The following LGSN variants were observed in gnomAD, a reference collection of about 807,000 sequenced individuals.
LGSN encodes the protein lengsin, lens protein with glutamine synthetase domain, also known as lengsin.
In LGSN, 21 loss-of-function variants were observed where a neutral mutation model predicts 19.5. That is an observed-to-expected ratio of 1.07 (90% CI 0.76 to 1.55). The LOEUF (loss-of-function observed/expected upper bound fraction) is 1.55. Ranked by LOEUF, LGSN falls within the 40% of genes most tolerant of loss-of-function variation. The pLI is 0.00. For missense variants in LGSN, 673 were observed against 608.5 expected, an observed-to-expected ratio of 1.11 and a Z score of -1.12; for synonymous variants, 257 against 215.6, an observed-to-expected ratio of 1.19 and a Z score of -1.68.
chr6:63,504,646 G>A, the LGSN span, among the ~76,000 whole-genome samples: 2 of 152,238 alleles, frequency 1.3e-5, no homozygotes, highest in East Asian at 1.9e-4. Flanking sequence ...GTTTTGCCAC[G>A]TTGCTGAGGC....
chr6:63,544,036 C>T, the LGSN span, among the ~76,000 whole-genome samples: 2 of 152,098 alleles, frequency 1.3e-5, no homozygotes. Flanking sequence ...TGTAATTCTC[C>T]GCCCCCAACC....
At chr6:63,356,355 CA>C in the LGSN span, among the ~76,000 whole-genome samples, 2 of 152,080 alleles carry the variant, frequency 1.3e-5, no homozygotes, top group African/African-American at 2.4e-5. Context: ...GCCTGAACAA[CA>C]TGATGAAACC....
At chr6:63,295,954 T>C (rs1646448471) in intron 1 of LGSN, among the ~76,000 whole-genome samples, 1 of 152,216 alleles carries the variant, frequency 6.6e-6, no homozygotes, top group Non-Finnish European at 1.5e-5. Flanking sequence ...TCAAAAAGTA[T>C]GCTGTAAACA....
chr6:63,482,704 T>A, the LGSN span, among the ~76,000 whole-genome samples: 8 of 152,126 alleles, frequency 5.3e-5, no homozygotes, highest in African/African-American at 1.9e-4. Context: ...TTCACTCTAT[T>A]CTTTCTTTTT....
chr6:63,417,187 A>G, the LGSN span, among the ~76,000 whole-genome samples: 133 of 152,256 alleles, frequency 8.7e-4, 2 homozygotes, highest in East Asian at 7.3e-3. Flanking sequence ...TCCCATTCCT[A>G]TGAGAATCAT....
the LGSN span, among the ~76,000 whole-genome samples, chr6:63,384,767 C>T: frequency 1.3e-5 from 2 of 152,208 alleles, no homozygotes; most frequent in African/African-American, 4.8e-5. Context: ...GTGATCCCGC[C>T]TCAGCCTCCC....
the LGSN span, among the ~76,000 whole-genome samples, chr6:63,401,058 A>G: frequency 3.3e-5 from 5 of 152,136 alleles, no homozygotes; most frequent in African/African-American, 1.2e-4. Flanking sequence ...ATATAATTTG[A>G]CTTTTATACC....
the LGSN span, among the ~76,000 whole-genome samples, chr6:63,404,886 T>C: frequency 3.3e-5 from 5 of 152,156 alleles, no homozygotes; most frequent in South Asian, 2.1e-4. Flanking sequence ...ACATGTGCCA[T>C]GCTGGTGCAC....
chr6:63,572,927 G>A, the LGSN span, among the ~76,000 whole-genome samples: 1 of 152,168 alleles, frequency 6.6e-6, no homozygotes, highest in Non-Finnish European at 1.5e-5. Flanking sequence ...GGGCCCCTCG[G>A]GGCTGCGGGG....
the LGSN span, among the ~76,000 whole-genome samples, chr6:63,531,151 G>A: frequency 6.6e-6 from 1 of 152,158 alleles, no homozygotes; most frequent in African/African-American, 2.4e-5. Context: ...CCTGCCTCTT[G>A]AGTTGGTGTC....
At chr6:63,538,048 T>C in the LGSN span, among the ~76,000 whole-genome samples, 1 of 152,224 alleles carries the variant, frequency 6.6e-6, no homozygotes, top group Non-Finnish European at 1.5e-5. Flanking sequence ...AAAGATAAAT[T>C]ATCTCTGAAA....
chr6:63,476,678 G>A, the LGSN span, among the ~76,000 whole-genome samples: 6 of 152,168 alleles, frequency 3.9e-5, no homozygotes, highest in African/African-American at 1.4e-4. Context: ...CAAGAGGGGA[G>A]AGTCTAAAGA....
chr6:63,338,646 C>T, the LGSN span, among the ~76,000 whole-genome samples: 1 of 152,004 alleles, frequency 6.6e-6, no homozygotes, highest in African/African-American at 2.4e-5. Flanking sequence ...AGGAAACAAA[C>T]TTCATTTTAT....
the LGSN span, among the ~76,000 whole-genome samples, chr6:63,393,829 T>A: frequency 1.3e-5 from 2 of 152,114 alleles, no homozygotes; most frequent in Non-Finnish European, 2.9e-5. Flanking sequence ...AGACAACAAA[T>A]CCCAGGTATA....
At chr6:63,343,588 T>G in the LGSN span, among the ~76,000 whole-genome samples, 13 of 152,214 alleles carry the variant, frequency 8.5e-5, no homozygotes, top group Admixed American at 5.2e-4. Flanking sequence ...AGGAAGAGTA[T>G]CAGAACTTCC....
chr6:63,342,313 A>G, the LGSN span, among the ~76,000 whole-genome samples: 1 of 152,202 alleles, frequency 6.6e-6, no homozygotes, highest in African/African-American at 2.4e-5. Context: ...TATTTATGCA[A>G]TTATAGAATT....
the LGSN span, among the ~76,000 whole-genome samples, chr6:63,372,888 T>C: frequency 4.6e-5 from 7 of 152,240 alleles, no homozygotes; most frequent in African/African-American, 1.7e-4. Context: ...ATTTTTATTA[T>C]ACATCATTGT....
the LGSN span, among the ~76,000 whole-genome samples, chr6:63,524,649 C>T: frequency 6.6e-6 from 1 of 152,124 alleles, no homozygotes. Context: ...CTGAATGACT[C>T]TGAGCTTCCT....
chr6:63,377,660 C>A, the LGSN span, among the ~76,000 whole-genome samples: 2 of 151,984 alleles, frequency 1.3e-5, no homozygotes, highest in Non-Finnish European at 2.9e-5. Flanking sequence ...CACCTGTAAT[C>A]CCAGCACTTT....
Sources: gnomAD v4.1 joint callset for allele counts (sites outside exome capture counted in the v4.1 genomes callset) on GRCh38, gnomAD v4.1.1 for gene constraint, MANE v1.5 for transcripts, NCBI Gene and HGNC (gene_info 2026-07-23, HGNC 2026-07-21) for gene names.